Variants in TNFSF4 observed in about 807,000 individuals in gnomAD.
TNFSF4 encodes the protein tumor necrosis factor ligand superfamily member 4.
A neutral mutation model predicts 7.3 loss-of-function variants in TNFSF4; 4 were observed. The observed-to-expected ratio is 0.55, with a 90% CI of 0.27 to 1.25. The LOEUF (loss-of-function observed/expected upper bound fraction) is 1.25. Among genes scored for constraint, TNFSF4 ranks in the 50% most tolerant of loss-of-function variants. The pLI is 0.12. For synonymous variants in TNFSF4, 76 were observed against 83.7 expected (o/e 0.91, Z 0.50); for missense variants, 181 against 208.8 (o/e 0.87, Z 0.82).
the TNFSF4 span, among the ~76,000 whole-genome samples, chr1:173,279,501 C>T: frequency 7.3e-3 from 1,104 of 152,172 alleles, 12 homozygotes; most frequent in African/African-American, 0.025. Context: ...CTTCACATAT[C>T]CAACTGCCTC....
the TNFSF4 span, among the ~76,000 whole-genome samples, chr1:173,246,789 C>A: frequency 6.6e-6 from 1 of 152,146 alleles, no homozygotes; most frequent in African/African-American, 2.4e-5. Context: ...AACCTCTATT[C>A]CTTCCTGGTC....
chr1:173,203,833 A>T (rs1341051311), intron 1 of TNFSF4, among the ~76,000 whole-genome samples: 2 of 152,210 alleles, frequency 1.3e-5, no homozygotes, highest in Non-Finnish European at 2.9e-5. Context: ...GAGGTTTCTC[A>T]CACCTTATAG....
At chr1:173,204,339 A>G (rs942113700) in intron 1 of TNFSF4, among the ~76,000 whole-genome samples, 1 of 152,210 alleles carries the variant, frequency 6.6e-6, no homozygotes, top group African/African-American at 2.4e-5. Context: ...AGTAAATTAG[A>G]TGAGGAGTGG....
the TNFSF4 span, among the ~76,000 whole-genome samples, chr1:173,258,177 G>T: frequency 1.3e-5 from 2 of 152,086 alleles, no homozygotes; most frequent in South Asian, 4.2e-4. Context: ...TAAAAAAGCA[G>T]GATTGGGGAG....
upstream of TNFSF4, among the ~76,000 whole-genome samples, chr1:173,209,471 G>A (rs980295202): frequency 2.0e-5 from 3 of 152,054 alleles, no homozygotes; most frequent in South Asian, 2.1e-4. Flanking sequence ...GGTCAAATAC[G>A]TTACTAAATC....
At chr1:173,214,593 A>T in the TNFSF4 span, among the ~76,000 whole-genome samples, 1 of 152,230 alleles carries the variant, frequency 6.6e-6, no homozygotes, top group South Asian at 2.1e-4. Flanking sequence ...TAAAAAAAAG[A>T]ATTGCAAAAA....
chr1:173,279,579 T>C, the TNFSF4 span, among the ~76,000 whole-genome samples: 3 of 152,130 alleles, frequency 2.0e-5, no homozygotes, highest in African/African-American at 7.2e-5. Context: ...CATGTCTTCA[T>C]CATTATCTGC....
At chr1:173,417,908 G>A in the TNFSF4 span, 1 of 149,472 alleles carries the variant, frequency 6.7e-6, no homozygotes, top group African/African-American at 2.5e-5. Flanking sequence ...TTTTAACTGG[G>A]GGTGGGAGGG....
intron 1 of TNFSF4, among the ~76,000 whole-genome samples, chr1:173,203,871 G>C (rs1164640566): frequency 6.6e-6 from 1 of 152,168 alleles, no homozygotes; most frequent in Non-Finnish European, 1.5e-5. Flanking sequence ...TTGTTCCATA[G>C]CTGAAGTTCC....
chr1:173,268,662 T>C, the TNFSF4 span, among the ~76,000 whole-genome samples: 5 of 152,046 alleles, frequency 3.3e-5, no homozygotes, highest in East Asian at 9.6e-4. Context: ...AATAATAAAA[T>C]GTCAGACTTA....
chr1:173,284,728 GC>G, the TNFSF4 span, among the ~76,000 whole-genome samples: 1 of 152,170 alleles, frequency 6.6e-6, no homozygotes, highest in South Asian at 2.1e-4. Context: ...AACAACAAAG[GC>G]TGAATGACAG....
the TNFSF4 span, among the ~76,000 whole-genome samples, chr1:173,387,612 G>GATCTCAATTGAGA: frequency 6.6e-6 from 1 of 152,172 alleles, no homozygotes; most frequent in Admixed American, 6.5e-5. Flanking sequence ...GAAACTGATA[G>GATCTCAATTGAGA]TCAATTGAGA....
the TNFSF4 span, among the ~76,000 whole-genome samples, chr1:173,348,536 T>C: frequency 3.3e-5 from 3 of 89,716 alleles, no homozygotes; most frequent in African/African-American, 1.1e-4. Flanking sequence ...AACCCAAACA[T>C]AAGAAATAAA....
the TNFSF4 span, among the ~76,000 whole-genome samples, chr1:173,367,130 A>G: frequency 1.3e-5 from 2 of 152,228 alleles, no homozygotes; most frequent in East Asian, 3.8e-4. Flanking sequence ...AGTGTTAACA[A>G]TGGGCATTTC....
At chr1:173,439,434 T>C in the TNFSF4 span, among the ~76,000 whole-genome samples, 12 of 152,164 alleles carry the variant, frequency 7.9e-5, no homozygotes, top group Non-Finnish European at 4.4e-5. Context: ...ACAGCTACTG[T>C]CCTTTGGATA....
chr1:173,239,862 C>A, the TNFSF4 span, among the ~76,000 whole-genome samples: 1 of 152,082 alleles, frequency 6.6e-6, no homozygotes, highest in Non-Finnish European at 1.5e-5. Context: ...GAAATCTCAT[C>A]TCTACTAAAA....
chr1:173,196,207 A>G (rs536619033), intron 1 of TNFSF4, among the ~76,000 whole-genome samples: 2 of 152,296 alleles, frequency 1.3e-5, no homozygotes, highest in East Asian at 3.9e-4. Flanking sequence ...AGTAGGAAAA[A>G]TGGGAAAAAC....
At chr1:173,413,411 G>A in the TNFSF4 span, among the ~76,000 whole-genome samples, 1 of 152,124 alleles carries the variant, frequency 6.6e-6, no homozygotes, top group African/African-American at 2.4e-5. Context: ...TAATTGTTTG[G>A]GGAAGTTCCC....
chr1:173,361,226 G>A, the TNFSF4 span, among the ~76,000 whole-genome samples: 1 of 152,164 alleles, frequency 6.6e-6, no homozygotes, highest in Admixed American at 6.5e-5. Context: ...TATGCTGAGT[G>A]GATCTACAAA....
Sources: gnomAD v4.1 joint callset for allele counts (sites outside exome capture counted in the v4.1 genomes callset) on GRCh38, gnomAD v4.1.1 for gene constraint, MANE v1.5 for transcripts, NCBI Gene and HGNC (gene_info 2026-07-23, HGNC 2026-07-21) for gene names.